FAM135B: variants seen among roughly 807,000 people sequenced by gnomAD.
FAM135B encodes the protein family with sequence similarity 135 member B.
In FAM135B, 43 loss-of-function variants were observed where a neutral mutation model predicts 127.7. The observed-to-expected ratio is 0.34, with a 90% CI of 0.26 to 0.43. The LOEUF (loss-of-function observed/expected upper bound fraction) is 0.43. Among genes scored for constraint, FAM135B ranks in the 20% least tolerant of loss-of-function variants. The pLI is 1.00. For missense variants in FAM135B, 1,558 were observed against 1,725.6 expected, an observed-to-expected ratio of 0.90 and a Z score of 1.72; for synonymous variants, 670 against 665.1, an observed-to-expected ratio of 1.01 and a Z score of -0.11.
intron 1 of FAM135B, among the ~76,000 whole-genome samples, chr8:138,426,034 C>CATAT (rs1445193343): frequency 7.2e-5 from 5 of 68,986 alleles, no homozygotes; most frequent in African/African-American, 3.1e-4. Flanking sequence ...CATATACACA[C>CATAT]ACACACACAC....
chr8:138,370,607 C>G (rs575206632), intron 1 of FAM135B, among the ~76,000 whole-genome samples: 4 of 152,020 alleles, frequency 2.6e-5, no homozygotes, highest in Admixed American at 2.6e-4. Context: ...CCCACCACCA[C>G]GCCTGGCTAA....
intron 9 of FAM135B, among the ~76,000 whole-genome samples, chr8:138,178,892 C>T (rs1341160693): frequency 6.6e-6 from 1 of 152,084 alleles, no homozygotes; most frequent in African/African-American, 2.4e-5. Context: ...ACAGCAATGG[C>T]AACAATAAAT....
intron 12 of FAM135B, among the ~76,000 whole-genome samples, chr8:138,164,091 A>T (rs1819671416): frequency 2.6e-5 from 4 of 152,216 alleles, no homozygotes; most frequent in Admixed American, 2.6e-4. Flanking sequence ...ACGTCATGGC[A>T]AGGCGTAAGT....
chr8:138,236,714 G>A (rs1563803265), intron 7 of FAM135B, among the ~76,000 whole-genome samples: 1 of 152,202 alleles, frequency 6.6e-6, no homozygotes, highest in Non-Finnish European at 1.5e-5. Flanking sequence ...CAGCATATTT[G>A]ATGTAAAGTA....
intron 1 of FAM135B, among the ~76,000 whole-genome samples, chr8:138,386,906 A>T (rs1167487992): frequency 6.6e-6 from 1 of 152,122 alleles, no homozygotes; most frequent in Non-Finnish European, 1.5e-5. Flanking sequence ...TGACGAGATA[A>T]TGATCATACA....
chr8:138,401,431 G>A (rs1205917032), intron 1 of FAM135B, among the ~76,000 whole-genome samples: 1 of 152,162 alleles, frequency 6.6e-6, no homozygotes. Context: ...AGACCAAGGT[G>A]GTGTAACTGT....
At chr8:138,346,248 C>T (rs1029457193) in intron 2 of FAM135B, among the ~76,000 whole-genome samples, 1 of 152,180 alleles carries the variant, frequency 6.6e-6, no homozygotes, top group Non-Finnish European at 1.5e-5. Flanking sequence ...TGTGGCAATT[C>T]CTCAAAGATC....
chr8:138,484,409 A>C (rs1195300066), intron 1 of FAM135B, among the ~76,000 whole-genome samples: 1 of 152,214 alleles, frequency 6.6e-6, no homozygotes, highest in African/African-American at 2.4e-5. Context: ...TTCACAGGGG[A>C]TATCTACAGT....
At chr8:138,295,386 C>T (rs554316459) in intron 3 of FAM135B, among the ~76,000 whole-genome samples, 2 of 152,014 alleles carry the variant, frequency 1.3e-5, no homozygotes, top group African/African-American at 2.4e-5. Context: ...TGGGTGCCGG[C>T]CTTGATGAAT....
At chr8:138,183,640 C>T (rs1403408504) in intron 9 of FAM135B, among the ~76,000 whole-genome samples, 2 of 152,186 alleles carry the variant, frequency 1.3e-5, no homozygotes, top group African/African-American at 4.8e-5. Flanking sequence ...TTTATTTTTC[C>T]TTCCGATGTT....
intron 2 of FAM135B, among the ~76,000 whole-genome samples, chr8:138,327,026 A>G (rs1827835849): frequency 6.6e-6 from 1 of 152,202 alleles, no homozygotes; most frequent in African/African-American, 2.4e-5. Flanking sequence ...TTGGCCCATC[A>G]TCCAATTCAT....
chr8:138,384,652 G>C lies in FAM135B; in HGVS notation c.-19-16650C>G, dbSNP rs183340046. ...TACGTGTGTGAGTATGTGTGTGTGT[G>C]CACCTGTGTGTGTGTGTATGTGAGT... is the stretch of plus-strand genomic sequence containing the variant. On this transcript the variant is annotated intron_variant, in intron 1 of 19. Transcript: ENST00000395297. Among the ~76,000 whole-genome samples the C allele has an allele frequency of 2.0e-5, 3 of 152,174 alleles. No homozygotes were observed. The South Asian group carries it at 6.2e-4, about 32-fold the overall frequency.
At chr8:138,240,836 C>G (rs1218054424) in intron 7 of FAM135B, among the ~76,000 whole-genome samples, 1 of 152,190 alleles carries the variant, frequency 6.6e-6, no homozygotes, top group Non-Finnish European at 1.5e-5. Context: ...CTGTGGCAGC[C>G]TCAGCAAAGG....
intron 3 of FAM135B, chr8:138,308,835 T>C (rs1402854011): frequency 3.8e-6 from 1 of 264,434 alleles, no homozygotes; most frequent in Admixed American, 4.5e-5. Flanking sequence ...GCAGAGTCCT[T>C]GACGGGAGCC....
At chr8:138,363,012 T>C (rs1830528001) in intron 2 of FAM135B, among the ~76,000 whole-genome samples, 1 of 152,136 alleles carries the variant, frequency 6.6e-6, no homozygotes, top group South Asian at 2.1e-4. Flanking sequence ...TAAATGTCAA[T>C]ATGCAGAAAT....
At position 138,265,026 on chromosome 8, in the gene FAM135B, T is replaced by C. The variant is rs556799347; in HGVS notation, c.297+677A>G. Among the ~76,000 whole-genome samples the C allele has an allele frequency of 4.3e-3, 661 of 152,344 alleles. 5 individuals carry two copies. Among genetic ancestry groups the C allele is most frequent in the Non-Finnish European group, 8.0e-3 (543 of 68,038 alleles). ...GAGCTTCAGATATTCCTTTGAAATTTGTTAATCTGATGAATAGGAAATTTT... is the reference window on the plus strand; with the variant it reads ...GAGCTTCAGATATTCCTTTGAAATTCGTTAATCTGATGAATAGGAAATTTT... On this transcript the variant is annotated intron_variant, in intron 4 of 19. Transcript: ENST00000395297.
At chr8:138,159,764 A>G (rs1341530220) in intron 12 of FAM135B, among the ~76,000 whole-genome samples, 2 of 93,122 alleles carry the variant, frequency 2.1e-5, no homozygotes, top group African/African-American at 7.6e-5. Context: ...ATTTTAAAAA[A>G]AAGAATTTGG....
intron 2 of FAM135B, among the ~76,000 whole-genome samples, chr8:138,328,987 T>C (rs949085108): frequency 6.6e-6 from 1 of 152,196 alleles, no homozygotes; most frequent in Admixed American, 6.5e-5. Context: ...TCTGTTTCCT[T>C]TGGAAACAAA....
chr8:138,397,701 T>C (rs556161858), intron 1 of FAM135B, among the ~76,000 whole-genome samples: 1 of 152,208 alleles, frequency 6.6e-6, no homozygotes, highest in Non-Finnish European at 1.5e-5. Flanking sequence ...CATGTTGGCA[T>C]AGACTCCACA....
Sources: gnomAD v4.1 joint callset for allele counts (sites outside exome capture counted in the v4.1 genomes callset) on GRCh38, gnomAD v4.1.1 for gene constraint, MANE v1.5 for transcripts, NCBI Gene and HGNC (gene_info 2026-07-23, HGNC 2026-07-21) for gene names.